DOK5: variants seen among roughly 807,000 people sequenced by gnomAD.
The protein encoded by DOK5 is downstream of tyrosine kinase 5.
DOK5 carries 27 observed loss-of-function variants against 43.3 expected under a neutral mutation model. That is an observed-to-expected ratio of 0.62 (90% CI 0.46 to 0.86). DOK5 has a LOEUF of 0.86. Among genes scored for constraint, DOK5 ranks in the 40% least tolerant of loss-of-function variants. DOK5 has a pLI of 0.00. For synonymous variants in DOK5, 146 were observed against 140.1 expected (o/e 1.04, Z -0.30); for missense variants, 373 against 392.9 (o/e 0.95, Z 0.43).
intron 1 of DOK5, among the ~76,000 whole-genome samples, chr20:54,492,429 C>T (rs1048834029): frequency 5.3e-5 from 8 of 152,088 alleles, no homozygotes; most frequent in African/African-American, 2.4e-5. Flanking sequence ...TTCTATGTCA[C>T]AATTTCTTTA....
Position 54,554,774 on chromosome 20 carries a change from T to A in DOK5, c.67-159T>A, listed in dbSNP as rs1016368785. Among the ~76,000 whole-genome samples the A allele has an allele frequency of 2.6e-5, 4 of 152,264 alleles. No homozygotes were observed. In the East Asian group the frequency reaches 7.7e-4, roughly 29 times the overall value. ...TCTGAATGACACATAATATGCCCGTTGTGGAAACAATTTTGATTTTTAAAA... is the reference window on the plus strand; with the variant it reads ...TCTGAATGACACATAATATGCCCGTAGTGGAAACAATTTTGATTTTTAAAA... On this transcript the variant is annotated intron_variant, in intron 1 of 7. Transcript: ENST00000262593.
At chr20:54,623,746 AT>A in intron 6 of DOK5, among the ~76,000 whole-genome samples, 1 of 151,898 alleles carries the variant, frequency 6.6e-6, no homozygotes. Flanking sequence ...TGCCTGGCTA[AT>A]TTTTTGTATT....
chr20:54,577,794 T>A (rs1365015980), intron 2 of DOK5, among the ~76,000 whole-genome samples: 2 of 152,176 alleles, frequency 1.3e-5, no homozygotes, highest in Non-Finnish European at 2.9e-5. Context: ...AGGAGGGCAA[T>A]GTTGTTCTCA....
chr20:54,550,551 A>G (rs1984495554), intron 1 of DOK5, among the ~76,000 whole-genome samples: 1 of 152,162 alleles, frequency 6.6e-6, no homozygotes, highest in African/African-American at 2.4e-5. Flanking sequence ...CTCCACCACC[A>G]CATTCCTAAC....
At chr20:54,583,890 G>T (rs546377552) in intron 2 of DOK5, among the ~76,000 whole-genome samples, 2 of 151,996 alleles carry the variant, frequency 1.3e-5, no homozygotes, top group East Asian at 3.9e-4. Context: ...ACCAGGCATA[G>T]TGGCTCATAC....
chr20:54,546,531 A>G (rs1984353799), intron 1 of DOK5, among the ~76,000 whole-genome samples: 1 of 151,676 alleles, frequency 6.6e-6, no homozygotes, highest in Non-Finnish European at 1.5e-5. Flanking sequence ...TATATCTCCT[A>G]ATGCTATCCC....
chr20:54,579,945 G>A lies in DOK5; in HGVS notation c.175-8538G>A, dbSNP rs140438707. Among the ~76,000 whole-genome samples, 326 of 151,900 alleles carry A rather than the reference G, an allele frequency of 2.1e-3. 1 individual carries two copies. Among genetic ancestry groups the A allele is most frequent in the African/African-American group, 7.2e-3 (300 of 41,456 alleles). ...TCCCTCCCCTAGCCCTCCATCCCCC[G>A]ACAGGCCCTGGTGTGTGATGTTCCC... is the stretch of plus-strand genomic sequence containing the variant. On this transcript the variant is annotated intron_variant, in intron 2 of 7. Coordinates refer to ENST00000262593, the MANE Select transcript of DOK5 (RefSeq NM_018431.5).
intron 1 of DOK5, among the ~76,000 whole-genome samples, chr20:54,488,474 T>A (rs942612022): frequency 1.3e-5 from 2 of 152,186 alleles, no homozygotes; most frequent in South Asian, 4.1e-4. Context: ...TGTATAGAAC[T>A]TAACAATTTT....
At position 54,637,138 on chromosome 20, in the gene DOK5, TCTTCTGCTTC is replaced by T. The variant is rs879328127; in HGVS notation, c.736-6319_736-6310del. Among the ~76,000 whole-genome samples the T allele has an allele frequency of 5.1e-3, 772 of 152,340 alleles. 5 individuals are homozygous for T. The highest frequency in any genetic ancestry group is 8.0e-3 in the Non-Finnish European group (545 of 68,038). The stretch of plus-strand genomic sequence containing the variant: ...CAAGCAACTCCCATGAAGCAAAGCG[TCTTCTGCTTC>T]TACATTGTAACATGGGTCTCGTACT... On this transcript the variant is annotated intron_variant, in intron 6 of 7. Coordinates refer to ENST00000262593, the MANE Select transcript of DOK5 (RefSeq NM_018431.5).
At chr20:54,509,239 AGG>A (rs1276874040) in intron 1 of DOK5, among the ~76,000 whole-genome samples, 1 of 152,198 alleles carries the variant, frequency 6.6e-6, no homozygotes, top group Non-Finnish European at 1.5e-5. Flanking sequence ...TCACCCAGCA[AGG>A]GTACAGTAGT....
intron 2 of DOK5, among the ~76,000 whole-genome samples, chr20:54,567,195 A>G (rs7268535): frequency 0.05 from 7,611 of 152,030 alleles, 653 homozygotes; most frequent in African/African-American, 0.17. Context: ...ATGAGACCCA[A>G]TTTCTGAATT....
chr20:54,611,862 G>A (rs1252627875), intron 6 of DOK5, among the ~76,000 whole-genome samples: 5 of 152,202 alleles, frequency 3.3e-5, no homozygotes, highest in African/African-American at 1.2e-4. Flanking sequence ...ACAGCCCCGG[G>A]TTATTCCCAA....
intron 5 of DOK5, among the ~76,000 whole-genome samples, chr20:54,593,729 AG>A (rs1986049521): frequency 6.6e-6 from 1 of 152,230 alleles, no homozygotes; most frequent in African/African-American, 2.4e-5. Flanking sequence ...ACAATAACAA[AG>A]ACATGGAATC....
chr20:54,494,487 T>G (rs769872407), intron 1 of DOK5, among the ~76,000 whole-genome samples: 6 of 152,194 alleles, frequency 3.9e-5, no homozygotes, highest in Non-Finnish European at 8.8e-5. Context: ...GCATTCCTTC[T>G]ACCAGCTGCT....
chr20:54,500,558 T>C (rs1982555256), intron 1 of DOK5, among the ~76,000 whole-genome samples: 1 of 120,514 alleles, frequency 8.3e-6, no homozygotes, highest in Admixed American at 7.7e-5. Context: ...ACCCAGTGTA[T>C]TTTTTTTTTT....
intron 1 of DOK5, among the ~76,000 whole-genome samples, chr20:54,516,467 T>C (rs749682483): frequency 6.6e-6 from 1 of 152,168 alleles, no homozygotes; most frequent in Non-Finnish European, 1.5e-5. Context: ...ATAATTTAAA[T>C]TTAACCCTTT....
intron 6 of DOK5, among the ~76,000 whole-genome samples, chr20:54,627,110 C>T (rs185954484): frequency 3.3e-5 from 5 of 152,068 alleles, no homozygotes; most frequent in South Asian, 2.1e-4. Flanking sequence ...ATTTATTAAA[C>T]GTACGTATAA....
intron 5 of DOK5, among the ~76,000 whole-genome samples, chr20:54,605,940 A>G (rs1182337410): frequency 6.6e-6 from 1 of 152,214 alleles, no homozygotes. Context: ...ACATTTGTTT[A>G]CATATAAAAA....
intron 5 of DOK5, among the ~76,000 whole-genome samples, chr20:54,599,227 G>A (rs1310341313): frequency 1.3e-5 from 2 of 152,148 alleles, no homozygotes; most frequent in African/African-American, 2.4e-5. Context: ...GAATACAAAT[G>A]TGCTGGATCT....
Sources: gnomAD v4.1 joint callset for allele counts (sites outside exome capture counted in the v4.1 genomes callset) on GRCh38, gnomAD v4.1.1 for gene constraint, MANE v1.5 for transcripts, NCBI Gene and HGNC (gene_info 2026-07-23, HGNC 2026-07-21) for gene names.